The following CDK16 variants were observed in gnomAD, a reference collection of about 807,000 sequenced individuals.
CDK16 encodes the protein cyclin dependent kinase 16.
CDK16 carries 2 observed loss-of-function variants against 41.6 expected under a neutral mutation model. That is an observed-to-expected ratio of 0.05 (90% CI 0.02 to 0.15). The LOEUF (loss-of-function observed/expected upper bound fraction) is 0.15, where lower values mean the gene tolerates loss of function less well. CDK16 is among the 10% of genes least tolerant of loss of function. The probability of loss-of-function intolerance (pLI) is 1.00; values close to 1 mark genes in which losing one functional copy is unlikely to be tolerated. For missense variants in CDK16, 228 were observed against 428.9 expected (o/e 0.53, Z 4.14); for synonymous variants, 169 against 169.7 (o/e 1.00, Z 0.03).
At chrX:47,228,235 C>CA (rs1198942999) in intron 14 of CDK16, 4 of 193,593 alleles carry the variant, frequency 2.1e-5, no homozygotes, top group Non-Finnish European at 2.8e-5. Flanking sequence ...ATCAAACCTA[C>CA]AAAAAACATT....
Position 47,218,765 on chromosome X carries a change from G to T in CDK16, c.-347G>T. On this transcript the variant is annotated 5_prime_UTR_variant, in exon 1 of 16. Transcript: ENST00000357227. ...TGGGCCGTTGGCTGTTCGGCCCTGGGATCCGCCGCCACTCCGCGATCAGAC... is the reference window on the plus strand; with the variant it reads ...TGGGCCGTTGGCTGTTCGGCCCTGGTATCCGCCGCCACTCCGCGATCAGAC... The T allele has an allele frequency of 8.6e-7, 1 of 1,157,046 alleles. No individual in the cohort carries two copies. Among genetic ancestry groups the T allele is most frequent in the Non-Finnish European group, 1.1e-6 (1 of 870,610 alleles).
At chrX:47,223,351 T>C in intron 1 of CDK16, 1 of 1,119,487 alleles carries the variant, frequency 8.9e-7, no homozygotes, top group Non-Finnish European at 1.2e-6. Flanking sequence ...GGGCTGGCTG[T>C]GTGGGTGGGC....
chrX:47,228,830 C>A lies in CDK16; in HGVS notation c.*62C>A. The A allele has an allele frequency of 9.4e-7, 1 of 1,063,270 alleles. No homozygotes were observed. Among genetic ancestry groups the A allele is most frequent in the Non-Finnish European group, 1.3e-6 (1 of 769,211 alleles). The allele number at this position is 1,063,270 out of a possible 1,213,427, so 87.6% of individuals were successfully genotyped here. A position where few individuals can be genotyped will look rare whatever the true frequency, so the allele number is the denominator to read the frequency against. On this transcript the variant is annotated 3_prime_UTR_variant, in exon 16 of 16. Coordinates refer to ENST00000357227, the MANE Select transcript of CDK16 (RefSeq NM_006201.5). ...GGATGCCACACCCCTCACAGGGCAG[C>A]CCCCAACTACATCTTCCCTGCTTAC...
At position 47,224,530 on chromosome X, in the gene CDK16, C is replaced by T. The variant is rs749660503; in HGVS notation, c.336+12C>T. ...AGATCTCCACTGAGGTGCTTGACCC[C>T]GTCTGGATGGTGGAGGAACTGGAAA... On this transcript the variant is annotated intron_variant, in intron 3 of 15. Coordinates refer to ENST00000357227, the MANE Select transcript of CDK16 (RefSeq NM_006201.5). The T allele has an allele frequency of 1.8e-5, 22 of 1,202,870 alleles. No homozygotes were observed. In the Admixed American group the frequency reaches 2.9e-4, roughly 16 times the overall value.
intron 1 of CDK16, chrX:47,223,093 A>G: frequency 8.7e-7 from 1 of 1,154,620 alleles, no homozygotes; most frequent in South Asian, 1.9e-5. Context: ...TGCTAGGGGA[A>G]CTATGCCACT....
chrX:47,222,970 C>T (rs1937407677), intron 1 of CDK16: 3 of 872,958 alleles, frequency 3.4e-6, no homozygotes, highest in Admixed American at 4.1e-5. Flanking sequence ...CCCCCCCCAC[C>T]TGGGTAGATG....
At chrX:47,225,636 G>A in intron 6 of CDK16, 136 bp from the exon 7 acceptor site, 1 of 458,416 alleles carries the variant, frequency 2.2e-6, no homozygotes, top group East Asian at 3.7e-5. Context: ...AGAGCTGGTG[G>A]CTCCGAGGCA....
At chrX:47,224,339 G>T (rs1488897523) in intron 2 of CDK16, 46 bp from the exon 3 acceptor site, 1 of 1,146,022 alleles carries the variant, frequency 8.7e-7, no homozygotes, top group African/African-American at 1.8e-5. Context: ...GTGTCCTGTG[G>T]TTCCTGACCC....
intron 2 of CDK16, 108 bp downstream of exon 2, chrX:47,223,867 C>G (rs1937456789): frequency 1.5e-6 from 1 of 648,499 alleles, no homozygotes; most frequent in East Asian, 3.6e-5. Flanking sequence ...CCTTTCTCTG[C>G]CCCCCATGTG....
chrX:47,219,865 CTAA>C (rs1386352501), intron 1 of CDK16, among the ~76,000 whole-genome samples: 4 of 110,243 alleles, frequency 3.6e-5, no homozygotes, highest in Non-Finnish European at 5.7e-5. Context: ...CCAGTATATG[CTAA>C]TGAGGGCAGA....
In CDK16 at chrX:47,223,762, G is replaced by A; in HGVS notation, c.202+3G>A. On this transcript the variant is annotated splice_donor_region_variant and intron_variant, in intron 2 of 15. Transcript: ENST00000357227. The stretch of plus-strand genomic sequence containing the variant: ...GGGCCCACTCAGCTCTGCACCAGGT[G>A]GGTCCACTGGCTATCCCCTCTCCCA... 8.3e-7 allele frequency: 1 copy of A among 1,200,557 alleles called. No homozygotes were observed. Among genetic ancestry groups the A allele is most frequent in the Middle Eastern group, 2.4e-4 (1 of 4,095 alleles).
Position 47,219,041 on chromosome X carries a change from GGCCGCCGCCCCA to G in CDK16, c.-69_-58del. The G allele has an allele frequency of 1.2e-6, 1 of 828,189 alleles. No individual in the cohort carries two copies. The highest frequency in any genetic ancestry group is 1.5e-6 in the Non-Finnish European group (1 of 688,945). 68.3% of individuals were successfully genotyped at this position (828,189 alleles called of 1,213,427 possible). A position where few individuals can be genotyped will look rare whatever the true frequency, so the allele number is the denominator to read the frequency against. ...AAGGAGGTCGCGCGGCCTCATCCCG[GGCCGCCGCCCCA>G]GGCGCCGCCGCGCCGGCCCCGCGGC... On this transcript the variant is annotated 5_prime_UTR_variant, in exon 1 of 16. Transcript: ENST00000357227.
Position 47,218,687 on chromosome X carries a change from C to G in CDK16, c.-425C>G. ...GAGGTGAGTCCCCTCCTTTCCACTTCACCCTTCCGAGCGCCTGCGTGCGCA... is the reference window on the plus strand; with the variant it reads ...GAGGTGAGTCCCCTCCTTTCCACTTGACCCTTCCGAGCGCCTGCGTGCGCA... On this transcript the variant is annotated 5_prime_UTR_variant, in exon 1 of 16. Transcript: ENST00000357227. 8 of 1,166,797 alleles carry G rather than the reference C, an allele frequency of 6.9e-6. No homozygotes were observed. The highest frequency in any genetic ancestry group is 9.2e-6 in the Non-Finnish European group (8 of 872,811).
chrX:47,227,534 C>G, intron 14 of CDK16, 65 bp downstream of exon 14: 1 of 869,716 alleles, frequency 1.1e-6, no homozygotes, highest in Non-Finnish European at 1.7e-6. Flanking sequence ...CTGGGGCCAG[C>G]TGGCGGGTTG....
At position 47,228,592 on chromosome X, in the gene CDK16, G is replaced by T; in HGVS notation, c.1401G>T (p.Glu467Asp). ...PDTTSIFALK[E>D]IQLQKEASLR... Reference sequence around the variant, plus strand: ...CTACTTCCATATTTGCACTAAAGGAGATTCAGCTACAAAAGGAGGCCAGCC... The same window carrying T: ...CTACTTCCATATTTGCACTAAAGGATATTCAGCTACAAAAGGAGGCCAGCC... The change falls in exon 15 of 16, where the codon GAG becomes GAT. Residue 467 changes from glutamate (E) to aspartate (D), a missense_variant. Transcript: ENST00000357227. 1 of 1,211,094 alleles carries T rather than the reference G, an allele frequency of 8.3e-7. No individual in the cohort carries two copies. Among genetic ancestry groups the T allele is most frequent in the Non-Finnish European group, 1.1e-6 (1 of 894,901 alleles).
chrX:47,218,913 A>ACCGCCGCCG lies in CDK16; in HGVS notation c.-190_-182dup. The stretch of plus-strand genomic sequence containing the variant: ...GCGGGACGCCGCCTCCGCCTCAGCC[A>ACCGCCGCCG]CCGCCGCCGCCGCCGCCTCCTCCTC... On this transcript the variant is annotated 5_prime_UTR_variant, in exon 1 of 16. Transcript: ENST00000357227. The ACCGCCGCCG allele has an allele frequency of 1.9e-6, 2 of 1,041,464 alleles. No homozygotes were observed. The highest frequency in any genetic ancestry group is 2.5e-6 in the Non-Finnish European group (2 of 814,122). 85.8% of individuals were successfully genotyped at this position (1,041,464 alleles called of 1,213,427 possible). A position where few individuals can be genotyped will look rare whatever the true frequency, so the allele number is the denominator to read the frequency against.
chrX:47,227,386 G>A lies in CDK16; in HGVS notation c.1292G>A (p.Gly431Asp), dbSNP rs1166616519. The A allele has an allele frequency of 8.3e-7, 1 of 1,208,001 alleles. No homozygotes were observed. Among genetic ancestry groups the A allele is most frequent in the Non-Finnish European group, 1.1e-6 (1 of 892,806 alleles). Residue 431 changes from glycine (G) to aspartate (D), a missense_variant, in exon 14 of 16, where the codon GGT becomes GAT. Transcript: ENST00000357227. Reference sequence around the variant, plus strand: ...CCCCGCACCCCCACTCAGTTTGAGGGTCGAAATCGGATCTCCGCAGAGGAT... The same window carrying A: ...CCCCGCACCCCCACTCAGTTTGAGGATCGAAATCGGATCTCCGCAGAGGAT... ...DLLTKLLQFE[G>D]RNRISAEDAM...
Position 47,229,342 on chromosome X carries a change from C to T in CDK16, c.*574C>T. 3.3e-6 allele frequency: 1 copy of T among 304,700 alleles called. No individual in the cohort carries two copies. Among genetic ancestry groups the T allele is most frequent in the Non-Finnish European group, 6.3e-6 (1 of 159,181 alleles). 25.1% of individuals were successfully genotyped at this position (304,700 alleles called of 1,213,427 possible). On this transcript the variant is annotated 3_prime_UTR_variant, in exon 16 of 16. Coordinates refer to ENST00000357227, the MANE Select transcript of CDK16 (RefSeq NM_006201.5). The stretch of plus-strand genomic sequence containing the variant: ...ATCTCTGTATACAGACTGGCTGGGC[C>T]CCACCCCCTGCGTGTGGCCCTCCCA...
rs1937446669 is a variant in CDK16 at position 47,223,692 on chromosome X, A to C, written c.135A>C (p.Gly45=). 1 of 1,208,276 alleles carries C rather than the reference A, an allele frequency of 8.3e-7. No homozygotes were observed. Among genetic ancestry groups the C allele is most frequent in the Admixed American group, 2.2e-5 (1 of 45,665 alleles). ...ESGGGGGSDP[G]EAPTRAAPGE... Reference sequence around the variant, plus strand: ...GTGGTGGTGGCGGCAGTGACCCTGGAGAGGCCCCCACACGTGCTGCTCCTG... The same window carrying C: ...GTGGTGGTGGCGGCAGTGACCCTGGCGAGGCCCCCACACGTGCTGCTCCTG... The change falls in exon 2 of 16, where the codon GGA becomes GGC. Residue 45 remains glycine (G), a synonymous_variant. Transcript: ENST00000357227.
Sources: allele counts gnomAD v4.1 joint callset (sites outside exome capture counted in the v4.1 genomes callset), GRCh38; gene constraint gnomAD v4.1.1; transcripts MANE v1.5; gene names NCBI Gene and HGNC (gene_info 2026-07-23, HGNC 2026-07-21).